Variants in BAHD1 observed in about 807,000 individuals in gnomAD.
The protein encoded by BAHD1 is bromo adjacent homology domain containing 1, also known as bromo adjacent homology domain-containing 1 protein.
Under a neutral mutation model 63.1 loss-of-function variants are expected in BAHD1, and 20 were observed. The observed-to-expected ratio is 0.32, with a 90% CI of 0.22 to 0.46. BAHD1 has a LOEUF of 0.46. Ranked by LOEUF, BAHD1 falls within the 20% of genes least tolerant of loss-of-function variation. BAHD1 has a pLI of 1.00. For synonymous variants in BAHD1, 408 were observed against 426.8 expected (o/e 0.96, Z 0.54); for missense variants, 939 against 1,071.8 (o/e 0.88, Z 1.73).
intron 1 of BAHD1, among the ~76,000 whole-genome samples, chr15:40,448,907 G>A (rs779193251): frequency 1.2e-3 from 182 of 150,608 alleles, no homozygotes; most frequent in Non-Finnish European, 2.3e-3. Context: ...TGTGATCTCG[G>A]CTCATCGCAA....
rs752532598 is a variant in BAHD1, at chr15:40,459,849, C to T, written c.1385C>T (p.Ala462Val). 1.2e-6 allele frequency: 2 copies of T among 1,604,448 alleles called. No individual in the cohort carries two copies. Among genetic ancestry groups the T allele is most frequent in the Non-Finnish European group, 8.5e-7 (1 of 1,174,568 alleles). Residue 462 changes from alanine (A) to valine (V), a missense_variant, in exon 2 of 7, where the codon GCT becomes GTT. This residue lies in a region of BAHD1 where 797 missense variants were observed against 813.3 expected (regional missense o/e 0.98). Coordinates refer to ENST00000416165, the MANE Select transcript of BAHD1 (RefSeq NM_014952.5). ...GTGTTGCCCCTGTCTGTTACCCACG[C>T]TGGCACTACCTGTGGCGGCTGCCCA... The part of the protein sequence containing the change: ...CGVLPLSVTH[A>V]GTTCGGCPYK...
In BAHD1 at chr15:40,458,712, C is replaced by T. The variant is rs2141522324; in HGVS notation, c.248C>T (p.Pro83Leu). The change falls in exon 2 of 7, where the codon CCC becomes CTC. Residue 83 changes from proline to leucine, a missense_variant. Pro to Leu is a moderately conservative substitution (Grantham distance 98). This residue lies in a region of BAHD1 where 797 missense variants were observed against 813.3 expected (regional missense o/e 0.98). Coordinates refer to ENST00000416165, the MANE Select transcript of BAHD1 (RefSeq NM_014952.5). The surrounding 1 kb of genome is among the most constrained non-coding windows in gnomAD (Gnocchi z 4.7). ...ACTCGCCTGGAGAATGTGGCCGGTC[C>T]CCGGAGTGCAGATGAGGCTGATGAG... is the stretch of plus-strand genomic sequence containing the variant. Reference protein sequence around the residue: ...LLTRLENVAGPRSADEADELP... With the variant: ...LLTRLENVAGLRSADEADELP... 1 of 1,613,786 alleles carries T rather than the reference C, an allele frequency of 6.2e-7. No homozygotes were observed. Among genetic ancestry groups the T allele is most frequent in the Non-Finnish European group, 8.5e-7 (1 of 1,180,030 alleles).
chr15:40,467,776 G>C lies in BAHD1; in HGVS notation c.*1646G>C, dbSNP rs1257629278. On this transcript the variant is annotated 3_prime_UTR_variant, in exon 7 of 7. Transcript: ENST00000416165. Reference sequence around the variant, plus strand: ...CTTATATTGAATAAGCTGTTTGGAGGAAGGTGTCTGTCTGGGAGGATGGGG... The same window carrying C: ...CTTATATTGAATAAGCTGTTTGGAGCAAGGTGTCTGTCTGGGAGGATGGGG... 6.6e-6 allele frequency: 1 copy of C among 152,650 alleles called. No individual in the cohort carries two copies. Among genetic ancestry groups the C allele is most frequent in the Non-Finnish European group, 1.5e-5 (1 of 68,062 alleles). The allele number at this position is 152,650 out of a possible 1,614,324, so 9.5% of individuals were successfully genotyped here. A position where few individuals can be genotyped will look rare whatever the true frequency, so the allele number is the denominator to read the frequency against.
chr15:40,446,403 A>G (rs1893541295), intron 1 of BAHD1, among the ~76,000 whole-genome samples: 1 of 152,202 alleles, frequency 6.6e-6, no homozygotes, highest in Non-Finnish European at 1.5e-5. Context: ...GCCCTGGAGT[A>G]CAGTCACATC....
chr15:40,457,732 G>A (rs541753471), intron 1 of BAHD1, among the ~76,000 whole-genome samples: 8 of 152,222 alleles, frequency 5.3e-5, no homozygotes, highest in Admixed American at 2.0e-4. Context: ...ACTCCTGGCC[G>A]GGGGCAGTGG....
chr15:40,459,686 G>A lies in BAHD1; in HGVS notation c.1222G>A (p.Ala408Thr). ...MLPEGKLSPV[A>T]APHEEGLLLA... is the part of the protein sequence containing the mutation. Reference sequence around the variant, plus strand: ...TCCTGAGGGCAAGCTGTCCCCAGTGGCTGCACCTCACGAGGAGGGGCTCCT... The same window carrying A: ...TCCTGAGGGCAAGCTGTCCCCAGTGACTGCACCTCACGAGGAGGGGCTCCT... The change falls in exon 2 of 7, where the codon GCT becomes ACT. Residue 408 changes from alanine to threonine, a missense_variant. Coordinates refer to ENST00000416165, the MANE Select transcript of BAHD1 (RefSeq NM_014952.5). 6.2e-7 allele frequency: 1 copy of A among 1,614,056 alleles called. No individual in the cohort carries two copies. Among genetic ancestry groups the A allele is most frequent in the Non-Finnish European group, 8.5e-7 (1 of 1,179,994 alleles).
Position 40,458,580 on chromosome 15 carries a change from C to T in BAHD1, c.116C>T (p.Pro39Leu), listed in dbSNP as rs200273445. 11 of 1,614,044 alleles carry T rather than the reference C, an allele frequency of 6.8e-6. No homozygotes were observed. The African/African-American group carries it at 1.3e-4, about 20-fold the overall frequency. Reference sequence around the variant, plus strand: ...GAGCAGGGGGTTGAGGGTGTGGAGCCAGGCATGCCCGAGAGCCCAGGTCAC... The same window carrying T: ...GAGCAGGGGGTTGAGGGTGTGGAGCTAGGCATGCCCGAGAGCCCAGGTCAC... ...NMEQGVEGVE[P>L]GMPESPGHLT... The change falls in exon 2 of 7, where the codon CCA (proline) becomes CTA (leucine). Residue 39 changes from proline to leucine, a missense_variant. By Grantham distance (98) the Pro-to-Leu change is moderately conservative. Transcript: ENST00000416165. This position sits in a 1 kb window ranked among gnomAD's most constrained non-coding sequence, Gnocchi z 4.7.
upstream of BAHD1, among the ~76,000 whole-genome samples, chr15:40,438,443 A>G (rs1893320968): frequency 1.3e-5 from 2 of 152,136 alleles, no homozygotes; most frequent in African/African-American, 2.4e-5. Flanking sequence ...CAGGAGGAAC[A>G]CTTAGTGCCT....
chr15:40,437,815 T>G (rs7180216), upstream of BAHD1, among the ~76,000 whole-genome samples: 2,025 of 152,210 alleles, frequency 0.013, 38 homozygotes, highest in African/African-American at 0.047. Context: ...GGGGAGGTGC[T>G]GGGGCTGGGC....
chr15:40,447,387 T>C (rs1220512751), intron 1 of BAHD1, among the ~76,000 whole-genome samples: 1 of 152,004 alleles, frequency 6.6e-6, no homozygotes, highest in Non-Finnish European at 1.5e-5. Flanking sequence ...GCCAACATGC[T>C]GAAACCCCGT....
In BAHD1 at chr15:40,459,583, C is replaced by T. The variant is rs1474997426; in HGVS notation, c.1119C>T (p.Leu373=). The T allele has an allele frequency of 6.2e-7, 1 of 1,614,094 alleles. No individual in the cohort carries two copies. The highest frequency in any genetic ancestry group is 1.3e-5 in the African/African-American group (1 of 74,956). The change falls in exon 2 of 7, where the codon CTC becomes CTT. Residue 373 remains leucine, a synonymous_variant. Transcript: ENST00000416165. The part of the protein sequence containing the change: ...DYNGLCVGPE[L]TALGSFYLYC... ...ATGGCCTGTGTGTTGGGCCTGAGCT[C>T]ACTGCACTAGGCAGCTTCTACCTGT...
intron 2 of BAHD1, among the ~76,000 whole-genome samples, chr15:40,461,378 C>T (rs956539121): frequency 1.3e-5 from 2 of 152,158 alleles, no homozygotes; most frequent in Non-Finnish European, 2.9e-5. Flanking sequence ...TGGCTCATGC[C>T]TGTAATCCTA....
intron 1 of BAHD1, among the ~76,000 whole-genome samples, chr15:40,446,424 T>G (rs1418704196): frequency 6.6e-6 from 1 of 152,208 alleles, no homozygotes; most frequent in Non-Finnish European, 1.5e-5. Flanking sequence ...CAGGACTTTG[T>G]GTTGTGTCCC....
At chr15:40,451,417 G>A (rs946039197) in intron 1 of BAHD1, among the ~76,000 whole-genome samples, 2 of 152,228 alleles carry the variant, frequency 1.3e-5, no homozygotes, top group African/African-American at 2.4e-5. Flanking sequence ...CTGTCTTCCT[G>A]CTAGCCCATG....
At chr15:40,450,038 C>G (rs1369347660) in intron 1 of BAHD1, among the ~76,000 whole-genome samples, 3 of 152,102 alleles carry the variant, frequency 2.0e-5, no homozygotes, top group Admixed American at 2.0e-4. Context: ...CAGGGTGGGG[C>G]AGGTGGACAG....
chr15:40,454,067 G>C (rs896280833), intron 1 of BAHD1: 1 of 152,228 alleles, frequency 6.6e-6, no homozygotes, highest in Non-Finnish European at 1.5e-5. Context: ...TGGTGTGCGG[G>C]GTGCAACCCA....
rs778860233 is a variant in BAHD1, at chr15:40,456,437, G to A, written c.-14-2014G>A. Among the ~76,000 whole-genome samples, 17 of 152,312 alleles carry A rather than the reference G, an allele frequency of 1.1e-4. No individual in the cohort carries two copies. The East Asian group carries it at 1.7e-3, about 16-fold the overall frequency. ...TGCCTTCTGTGACTCTGTCTTGCCC[G>A]GGGCCTGGTCTCTGAGCAGTGGCAA... is the stretch of plus-strand genomic sequence containing the variant. On this transcript the variant is annotated intron_variant, in intron 1 of 6. Transcript: ENST00000416165.
intron 1 of BAHD1, among the ~76,000 whole-genome samples, chr15:40,455,016 A>G (rs1893809490): frequency 6.6e-6 from 1 of 152,202 alleles, no homozygotes; most frequent in Non-Finnish European, 1.5e-5. Context: ...ATCTGACTTC[A>G]AAGCATGACT....
chr15:40,445,854 G>A (rs1893526963), intron 1 of BAHD1, among the ~76,000 whole-genome samples: 1 of 152,198 alleles, frequency 6.6e-6, no homozygotes, highest in African/African-American at 2.4e-5. Context: ...GACTTTGGAG[G>A]GACAAGGAGA....
Sources: gnomAD v4.1 joint callset for allele counts (sites outside exome capture counted in the v4.1 genomes callset) on GRCh38, gnomAD v4.1.1 for gene constraint, gnomAD v4.1.1 regional missense constraint, Gnocchi (gnomAD v3.1) non-coding constraint, MANE v1.5 for transcripts, NCBI Gene and HGNC (gene_info 2026-07-23, HGNC 2026-07-21) for gene names.